PAIP2B: variants seen among roughly 807,000 people sequenced by gnomAD.
PAIP2B encodes poly(A) binding protein interacting protein 2B, also known as polyadenylate-binding protein-interacting protein 2B.
PAIP2B carries 13 observed loss-of-function variants against 17.0 expected under a neutral mutation model. The observed-to-expected ratio is 0.76, with a 90% CI of 0.50 to 1.22. The LOEUF is 1.22. PAIP2B is among the 50% of genes most tolerant of loss of function. The pLI is 0.00. For missense variants in PAIP2B, 117 were observed against 144.5 expected (o/e 0.81, Z 0.98); for synonymous variants, 43 against 48.7 (o/e 0.88, Z 0.48).
chr2:71,211,619 AT>A (rs1178598443), intron 1 of PAIP2B, among the ~76,000 whole-genome samples: 13 of 150,456 alleles, frequency 8.6e-5, no homozygotes, highest in Admixed American at 6.6e-5. Flanking sequence ...AAAAAAAAAA[AT>A]GGCCATGTGT....
chr2:71,191,596 T>A (rs1674689104), intron 2 of PAIP2B, among the ~76,000 whole-genome samples: 1 of 152,222 alleles, frequency 6.6e-6, no homozygotes, highest in African/African-American at 2.4e-5. Flanking sequence ...TCAGTTAAAA[T>A]CACATTTGTC....
In PAIP2B at chr2:71,218,803, C is replaced by T. The variant is rs368810789; in HGVS notation, c.-12+8125G>A. Among the ~76,000 whole-genome samples, 23 of 151,658 alleles carry T rather than the reference C, an allele frequency of 1.5e-4. 1 individual carries two copies. The South Asian group carries it at 2.7e-3, about 18-fold the overall frequency. The stretch of plus-strand genomic sequence containing the variant: ...GAAACATGCCCAAAATATAATGTGA[C>T]AAAAGACTATATTTTATGATTCTAC... On this transcript the variant is annotated intron_variant, in intron 1 of 3. Transcript: ENST00000244221.
chr2:71,197,178 T>C (rs957552216), intron 2 of PAIP2B, among the ~76,000 whole-genome samples: 1 of 152,330 alleles, frequency 6.6e-6, no homozygotes, highest in African/African-American at 2.4e-5. Flanking sequence ...TATTTAGTGC[T>C]CTTTTCAAGG....
chr2:71,197,541 A>G (rs748087639), intron 2 of PAIP2B, among the ~76,000 whole-genome samples: 147 of 152,312 alleles, frequency 9.7e-4, no homozygotes, highest in Non-Finnish European at 1.7e-3. Context: ...TATTTTCTGA[A>G]TTTGACTGTT....
rs1674559315 is a variant in PAIP2B, at chr2:71,187,019, T to TTACA, written c.*1456_*1459dup. The TTACA allele has an allele frequency of 6.6e-6, 1 of 152,338 alleles. No individual in the cohort carries two copies. The highest frequency in any genetic ancestry group is 1.9e-4 in the East Asian group (1 of 5,182). 9.4% of individuals were successfully genotyped at this position (152,338 alleles called of 1,614,324 possible). A position where few individuals can be genotyped will look rare whatever the true frequency, so the allele number is the denominator to read the frequency against. ...GAATTTATACCAACTTTGTTTCAAG[T>TTACA]TACATATCTTTTCCCTATTAGGCCT... On this transcript the variant is annotated 3_prime_UTR_variant, in exon 4 of 4. Transcript: ENST00000244221.
intron 2 of PAIP2B, among the ~76,000 whole-genome samples, chr2:71,190,280 A>G (rs1049068366): frequency 4.6e-5 from 7 of 151,962 alleles, no homozygotes; most frequent in African/African-American, 1.7e-4. Flanking sequence ...AAAATTAGCC[A>G]GGCCATAGTG....
intron 1 of PAIP2B, among the ~76,000 whole-genome samples, chr2:71,209,026 C>A (rs373063619): frequency 6.6e-6 from 1 of 152,128 alleles, no homozygotes; most frequent in Non-Finnish European, 1.5e-5. Context: ...GGAATGAATC[C>A]AATTCCAGTA....
intron 1 of PAIP2B, among the ~76,000 whole-genome samples, chr2:71,203,450 T>C (rs1324143191): frequency 6.6e-6 from 1 of 152,126 alleles, no homozygotes; most frequent in Non-Finnish European, 1.5e-5. Context: ...CACACTACTA[T>C]AAGAATTTAA....
At chr2:71,219,927 C>T (rs562067644) in intron 1 of PAIP2B, among the ~76,000 whole-genome samples, 20 of 152,350 alleles carry the variant, frequency 1.3e-4, no homozygotes, top group African/African-American at 4.6e-4. Flanking sequence ...ATACACTATG[C>T]CATCCATATA....
intron 1 of PAIP2B, among the ~76,000 whole-genome samples, chr2:71,222,288 T>G (rs894801977): frequency 3.3e-5 from 5 of 152,158 alleles, no homozygotes; most frequent in South Asian, 2.1e-4. Flanking sequence ...AAAACCAACC[T>G]TACTTCTGTG....
rs1340459929 is a variant in PAIP2B at position 71,189,995 on chromosome 2, G to A, written c.165C>T (p.Asp55=). Residue 55 remains aspartate (D), a synonymous_variant, in exon 3 of 4, where the codon GAC becomes GAT. Transcript: ENST00000244221. ...TCTCTTGGAAGCAGCGGTCCAAGAA[G>A]TCTTGCTCCTGCAGTTCCTCCTCCA... ...RQVEEELQEQ[D]FLDRCFQEML... The A allele has an allele frequency of 6.2e-7, 1 of 1,612,490 alleles. No homozygotes were observed. The highest frequency in any genetic ancestry group is 8.5e-7 in the Non-Finnish European group (1 of 1,179,424).
At position 71,189,835 on chromosome 2, in the gene PAIP2B, T is replaced by A; in HGVS notation, c.315+10A>T. 1 of 1,547,522 alleles carries A rather than the reference T, an allele frequency of 6.5e-7. No individual in the cohort carries two copies. Among genetic ancestry groups the A allele is most frequent in the Admixed American group, 2.0e-5 (1 of 50,698 alleles). On this transcript the variant is annotated intron_variant, in intron 3 of 3. Coordinates refer to ENST00000244221, the MANE Select transcript of PAIP2B (RefSeq NM_020459.1). ...ACTACATAACCTGGGGAACTACATA[T>A]GGCTCTTACCAAAATATCTTCAGAA...
chr2:71,203,110 G>T (rs1405543528), intron 1 of PAIP2B, among the ~76,000 whole-genome samples: 1 of 152,124 alleles, frequency 6.6e-6, no homozygotes, highest in African/African-American at 2.4e-5. Context: ...CAGCCATCCA[G>T]AGTTAAGAAC....
intron 2 of PAIP2B, among the ~76,000 whole-genome samples, chr2:71,198,664 C>T (rs1206636386): frequency 6.6e-6 from 1 of 151,544 alleles, no homozygotes; most frequent in African/African-American, 2.4e-5. Flanking sequence ...CTTAGGTGAT[C>T]CCCGCCTCAG....
At chr2:71,220,224 A>C (rs1439608857) in intron 1 of PAIP2B, among the ~76,000 whole-genome samples, 1 of 152,198 alleles carries the variant, frequency 6.6e-6, no homozygotes, top group Non-Finnish European at 1.5e-5. Context: ...ACTAGGCTGA[A>C]ATATTAGCCC....
intron 1 of PAIP2B, among the ~76,000 whole-genome samples, chr2:71,226,409 T>G (rs1675727452): frequency 1.3e-5 from 2 of 151,978 alleles, no homozygotes; most frequent in Non-Finnish European, 2.9e-5. Flanking sequence ...GCATGAAGAA[T>G]GAGGGCTGGA....
chr2:71,202,864 CA>C (rs2103785800), intron 1 of PAIP2B, among the ~76,000 whole-genome samples: 1 of 152,106 alleles, frequency 6.6e-6, no homozygotes, highest in Admixed American at 6.5e-5. Context: ...GCAGGTGGGA[CA>C]GGGGTGGGAG....
At chr2:71,197,742 T>C (rs951498355) in intron 2 of PAIP2B, among the ~76,000 whole-genome samples, 13 of 152,222 alleles carry the variant, frequency 8.5e-5, no homozygotes, top group African/African-American at 3.1e-4. Flanking sequence ...GAGGAGCAAG[T>C]CACATCTTAC....
At chr2:71,201,447 G>A (rs186589362) in intron 2 of PAIP2B, among the ~76,000 whole-genome samples, 197 of 151,104 alleles carry the variant, frequency 1.3e-3, no homozygotes, top group Admixed American at 3.1e-3. Flanking sequence ...GCAGTGGTGC[G>A]ATTGGCTCAC....
Sources: gnomAD v4.1 joint callset for allele counts (sites outside exome capture counted in the v4.1 genomes callset) on GRCh38, gnomAD v4.1.1 for gene constraint, MANE v1.5 for transcripts, NCBI Gene and HGNC (gene_info 2026-07-23, HGNC 2026-07-21) for gene names.